NELL1: variants seen among roughly 807,000 people sequenced by gnomAD.
NELL1 encodes neural EGFL like 1.
In NELL1, 76 loss-of-function variants were observed where a neutral mutation model predicts 107.4. The ratio of observed to expected loss-of-function variants is 0.71; its 90% confidence interval spans 0.59 to 0.86. NELL1 has a LOEUF of 0.86. NELL1 is among the 40% of genes least tolerant of loss of function. The probability of loss-of-function intolerance (pLI) is 0.00; values close to 1 mark genes in which losing one functional copy is unlikely to be tolerated. For synonymous variants in NELL1, 353 were observed against 341.2 expected, an observed-to-expected ratio of 1.03 and a Z score of -0.38; for missense variants, 1,024 against 1,005.5, an observed-to-expected ratio of 1.02 and a Z score of -0.25.
At position 21,154,323 on chromosome 11, in the gene NELL1, G is replaced by A. The variant is rs180820808; in HGVS notation, c.1426+40609G>A. Among the ~76,000 whole-genome samples, 5 of 152,300 alleles carry A rather than the reference G, an allele frequency of 3.3e-5. No individual in the cohort carries two copies. The East Asian group carries it at 7.7e-4, about 24-fold the overall frequency. On this transcript the variant is annotated intron_variant, in intron 13 of 19. Transcript: ENST00000357134. ...ATATTTTCTTACCCTGGAGGATGGT[G>A]ATATTAAATCTGGGCTGAAAAATGA...
intron 15 of NELL1, among the ~76,000 whole-genome samples, chr11:21,395,456 A>C (rs1441733335): frequency 1.3e-5 from 2 of 151,576 alleles, no homozygotes; most frequent in African/African-American, 4.8e-5. Flanking sequence ...TAACTTTTAC[A>C]TCTATATTTG....
chr11:20,941,397 A>T (rs1249886625), intron 10 of NELL1, among the ~76,000 whole-genome samples: 1 of 152,186 alleles, frequency 6.6e-6, no homozygotes, highest in Non-Finnish European at 1.5e-5. Context: ...AGTCAGGTGG[A>T]TCTGGGTTTA....
At chr11:20,712,353 C>G (rs943564597) in intron 2 of NELL1, among the ~76,000 whole-genome samples, 2 of 151,968 alleles carry the variant, frequency 1.3e-5, no homozygotes, top group African/African-American at 4.8e-5. Context: ...CATCCATAGC[C>G]TGCATTGTTT....
chr11:21,054,191 CTT>C (rs35829746), intron 12 of NELL1, among the ~76,000 whole-genome samples: 3,091 of 152,172 alleles, frequency 0.02, 104 homozygotes, highest in African/African-American at 0.068. Flanking sequence ...TTCTCTCTCT[CTT>C]ACCCTTTCTC....
intron 14 of NELL1, among the ~76,000 whole-genome samples, chr11:21,250,143 A>G (rs1042083596): frequency 2.0e-5 from 3 of 152,218 alleles, no homozygotes; most frequent in Admixed American, 6.5e-5. Flanking sequence ...TAAAAGTGTC[A>G]TAAGGGTTCA....
chr11:20,772,248 G>A (rs1286360266), intron 2 of NELL1, among the ~76,000 whole-genome samples: 1 of 152,182 alleles, frequency 6.6e-6, no homozygotes, highest in East Asian at 1.9e-4. Context: ...GAGGAGGAGT[G>A]TTGCTACGTA....
At chr11:20,982,473 G>T (rs780855493) in intron 12 of NELL1, among the ~76,000 whole-genome samples, 29 of 152,280 alleles carry the variant, frequency 1.9e-4, no homozygotes, top group Non-Finnish European at 3.8e-4. Context: ...GTCCCTATTT[G>T]CTGCTATCTG....
chr11:20,975,792 T>C (rs1375073060), intron 12 of NELL1, among the ~76,000 whole-genome samples: 1 of 135,614 alleles, frequency 7.4e-6, no homozygotes, highest in African/African-American at 2.7e-5. Flanking sequence ...ATATTATATA[T>C]GTATTATATG....
At chr11:20,955,811 G>A (rs1355689987) in intron 11 of NELL1, among the ~76,000 whole-genome samples, 1 of 151,996 alleles carries the variant, frequency 6.6e-6, no homozygotes, top group African/African-American at 2.4e-5. Flanking sequence ...TCCAAATATT[G>A]TTGGTTTAAA....
chr11:21,428,292 A>T (rs903332744), intron 15 of NELL1, among the ~76,000 whole-genome samples: 2 of 152,172 alleles, frequency 1.3e-5, no homozygotes, highest in Non-Finnish European at 2.9e-5. Context: ...GAATAAGCAG[A>T]GTGTGGTCAT....
Position 20,990,031 on chromosome 11 carries a change from C to T in NELL1, c.1300+29471C>T, listed in dbSNP as rs536061514. ...AAAAAAGAAATTCCAGTCTAGTTTG[C>T]GACTTCAGTTTCATACCCAATTTAA... On this transcript the variant is annotated intron_variant, in intron 12 of 19. Coordinates refer to ENST00000357134, the MANE Select transcript of NELL1 (RefSeq NM_006157.5). 1.7e-3 allele frequency among the ~76,000 whole-genome samples: 251 copies of T among 151,406 alleles called. 1 individual carries two copies. Among genetic ancestry groups the T allele is most frequent in the Non-Finnish European group, 3.2e-3 (215 of 67,886 alleles).
chr11:21,205,648 TG>T (rs1857374129), intron 13 of NELL1, among the ~76,000 whole-genome samples: 1 of 152,140 alleles, frequency 6.6e-6, no homozygotes, highest in South Asian at 2.1e-4. Context: ...GTGTTCCAGG[TG>T]CCACTGGGAT....
chr11:21,503,436 G>A (rs75691615), intron 15 of NELL1, among the ~76,000 whole-genome samples: 1 of 152,114 alleles, frequency 6.6e-6, no homozygotes, highest in Non-Finnish European at 1.5e-5. Context: ...TTAAATAAAA[G>A]AACCAAGAAT....
intron 5 of NELL1, among the ~76,000 whole-genome samples, chr11:20,895,795 T>G (rs1433517721): frequency 6.6e-6 from 1 of 152,078 alleles, no homozygotes; most frequent in Admixed American, 6.6e-5. Flanking sequence ...CCTGAGCCAC[T>G]GCGCCTGGCC....
chr11:21,365,118 T>C (rs1851189551), intron 14 of NELL1, among the ~76,000 whole-genome samples: 2 of 152,232 alleles, frequency 1.3e-5, no homozygotes, highest in Non-Finnish European at 2.9e-5. Flanking sequence ...CTCTTTGTTC[T>C]TTCAACACTG....
intron 2 of NELL1, among the ~76,000 whole-genome samples, chr11:20,757,362 TA>T (rs1325635857): frequency 6.6e-6 from 1 of 152,154 alleles, no homozygotes; most frequent in Non-Finnish European, 1.5e-5. Flanking sequence ...TGCCTTACTA[TA>T]ATCCCCCACC....
chr11:21,544,889 T>A (rs1856396220), intron 16 of NELL1, among the ~76,000 whole-genome samples: 1 of 151,982 alleles, frequency 6.6e-6, no homozygotes, highest in African/African-American at 2.4e-5. Context: ...GATGAGGTTT[T>A]TTTTTTCCGT....
intron 12 of NELL1, among the ~76,000 whole-genome samples, chr11:20,967,971 A>AC (rs1851419972): frequency 6.6e-6 from 1 of 152,080 alleles, no homozygotes; most frequent in African/African-American, 2.4e-5. Context: ...TCCCTCCAAT[A>AC]GGCCTGTGCA....
intron 4 of NELL1, among the ~76,000 whole-genome samples, chr11:20,858,499 C>T (rs1319950854): frequency 6.6e-6 from 1 of 152,150 alleles, no homozygotes; most frequent in East Asian, 1.9e-4. Flanking sequence ...TGGTAAATCA[C>T]CTAAGAGTTA....
Sources: gnomAD v4.1 joint callset for allele counts (sites outside exome capture counted in the v4.1 genomes callset) on GRCh38, gnomAD v4.1.1 for gene constraint, MANE v1.5 for transcripts, NCBI Gene and HGNC (gene_info 2026-07-23, HGNC 2026-07-21) for gene names.